Variants in CPVL observed in about 807,000 individuals in gnomAD.
The protein encoded by CPVL is carboxypeptidase vitellogenic like.
A neutral mutation model predicts 63.7 loss-of-function variants in CPVL; 51 were observed. That is an observed-to-expected ratio of 0.80 (90% CI 0.64 to 1.01). CPVL has a LOEUF of 1.01. Ranked by LOEUF, CPVL falls within the 50% of genes least tolerant of loss-of-function variation. CPVL has a pLI of 0.00. For synonymous variants in CPVL, 195 were observed against 206.0 expected, an observed-to-expected ratio of 0.95 and a Z score of 0.46; for missense variants, 530 against 573.1, an observed-to-expected ratio of 0.92 and a Z score of 0.77.
intron 12 of CPVL, among the ~76,000 whole-genome samples, chr7:29,002,847 G>T: frequency 1.1e-5 from 1 of 91,290 alleles, no homozygotes; most frequent in South Asian, 3.6e-4. Flanking sequence ...GAAGCATGGA[G>T]AATAAAGGTA....
chr7:29,064,176 G>A lies in CPVL; in HGVS notation c.1022C>T (p.Ala341Val). Residue 341 changes from alanine (A) to valine (V), a missense_variant, in exon 11 of 13, where the codon GCC becomes GTC. Physicochemically the swap from Ala to Val is moderately conservative, Grantham distance 64 (BLOSUM62 0). Transcript: ENST00000265394. ...KFLSLPEVRQ[A>V]IHVGNQTFND... ...AAAAGTCTGATTCCCCACGTGGATG[G>A]CTTGTCTCACCTCTGGGAGTGACAA... is the stretch of plus-strand genomic sequence containing the variant. The A allele has an allele frequency of 6.2e-7, 1 of 1,612,864 alleles. No individual in the cohort carries two copies. Among genetic ancestry groups the A allele is most frequent in the East Asian group, 2.2e-5 (1 of 44,864 alleles).
rs188299977 is a variant in CPVL at position 29,076,390 on chromosome 7, G to A, written c.610-3967C>T. ...TTAACACTAACCTAACATGGGATCA[G>A]ACCCTGGTCTCATAAAAGCTCAGAG... On this transcript the variant is annotated intron_variant, in intron 7 of 12. Coordinates refer to ENST00000265394, the MANE Select transcript of CPVL (RefSeq NM_031311.5). 2.2e-3 allele frequency among the ~76,000 whole-genome samples: 331 copies of A among 152,190 alleles called. 2 individuals are homozygous for A. The highest frequency in any genetic ancestry group is 2.9e-3 in the Non-Finnish European group (194 of 68,020).
chr7:29,002,570 A>T (rs1784747895), intron 12 of CPVL, among the ~76,000 whole-genome samples: 1 of 152,200 alleles, frequency 6.6e-6, no homozygotes. Flanking sequence ...GATAACAGAG[A>T]CCACAAATGA....
At chr7:29,129,850 A>G (rs977963651) in intron 1 of CPVL, among the ~76,000 whole-genome samples, 7 of 152,192 alleles carry the variant, frequency 4.6e-5, no homozygotes, top group African/African-American at 1.7e-4. Flanking sequence ...TTCATCCAAT[A>G]TAACTCGTGT....
intron 3 of CPVL, among the ~76,000 whole-genome samples, chr7:29,108,859 T>C (rs1054665515): frequency 6.6e-6 from 1 of 152,230 alleles, no homozygotes; most frequent in African/African-American, 2.4e-5. Context: ...GAAGAGACTG[T>C]AGTCTTGGCC....
chr7:29,031,645 A>G (rs1156468915), intron 11 of CPVL, among the ~76,000 whole-genome samples: 3 of 152,188 alleles, frequency 2.0e-5, no homozygotes, highest in Admixed American at 6.5e-5. Flanking sequence ...TGTAGAATAT[A>G]TTCTAGGAAA....
intron 5 of CPVL, among the ~76,000 whole-genome samples, chr7:29,179,701 C>T (rs1199166521): frequency 1.3e-5 from 2 of 152,112 alleles, no homozygotes; most frequent in Non-Finnish European, 2.9e-5. Context: ...TTTTTTATTT[C>T]TCAAATTACA....
At chr7:29,090,925 A>G (rs1263115991) in intron 6 of CPVL, among the ~76,000 whole-genome samples, 2 of 152,146 alleles carry the variant, frequency 1.3e-5, no homozygotes, top group African/African-American at 4.8e-5. Context: ...TGAAAGCTCC[A>G]CTCTTTAAAC....
At chr7:29,081,749 T>G (rs576280902) in intron 7 of CPVL, among the ~76,000 whole-genome samples, 24 of 152,320 alleles carry the variant, frequency 1.6e-4, no homozygotes, top group Middle Eastern at 3.4e-3. Flanking sequence ...TAGCCCAGCT[T>G]TTCAGCATGA....
At chr7:29,123,190 C>A (rs1010300798) in intron 1 of CPVL, among the ~76,000 whole-genome samples, 2 of 152,100 alleles carry the variant, frequency 1.3e-5, no homozygotes, top group Non-Finnish European at 2.9e-5. Context: ...CTTATTACAA[C>A]CCAATTTGGC....
At chr7:29,069,906 T>G (rs950317813) in intron 9 of CPVL, among the ~76,000 whole-genome samples, 1 of 151,860 alleles carries the variant, frequency 6.6e-6, no homozygotes, top group Non-Finnish European at 1.5e-5. Context: ...TTTGATTAAT[T>G]AAATCATTTT....
chr7:29,057,247 G>T (rs576117897), intron 11 of CPVL, among the ~76,000 whole-genome samples: 3 of 152,170 alleles, frequency 2.0e-5, no homozygotes, highest in South Asian at 4.2e-4. Context: ...TGAGCCACTG[G>T]CAACCAGCCA....
chr7:29,057,346 T>A (rs902041702), intron 11 of CPVL, among the ~76,000 whole-genome samples: 12 of 152,294 alleles, frequency 7.9e-5, no homozygotes, highest in African/African-American at 2.4e-4. Flanking sequence ...GGGTTGTTCA[T>A]TTTCTTATTG....
intron 7 of CPVL, among the ~76,000 whole-genome samples, chr7:29,079,906 C>T (rs1244178326): frequency 6.6e-6 from 1 of 152,172 alleles, no homozygotes; most frequent in Admixed American, 6.5e-5. Context: ...CAGATCCTTT[C>T]TATGGAACAA....
intron 11 of CPVL, among the ~76,000 whole-genome samples, chr7:29,038,776 A>G (rs1400479557): frequency 3.3e-5 from 5 of 152,168 alleles, no homozygotes; most frequent in Non-Finnish European, 5.9e-5. Flanking sequence ...ATCCAACACT[A>G]TCCATTTATT....
chr7:29,163,801 C>A, intron 5 of CPVL, among the ~76,000 whole-genome samples: 1 of 152,180 alleles, frequency 6.6e-6, no homozygotes, highest in East Asian at 1.9e-4. Flanking sequence ...TAATTGGTAT[C>A]TTTCACTTTG....
At chr7:29,173,634 GA>G (rs1796893145) in intron 5 of CPVL, among the ~76,000 whole-genome samples, 1 of 152,096 alleles carries the variant, frequency 6.6e-6, no homozygotes, top group Non-Finnish European at 1.5e-5. Flanking sequence ...TGGGAGGAAG[GA>G]GGGGGTTGTT....
At chr7:29,123,707 GT>G (rs201863981) in intron 1 of CPVL, among the ~76,000 whole-genome samples, 7,325 of 31,132 alleles carry the variant, frequency 0.24, 293 homozygotes, top group South Asian at 0.35. Flanking sequence ...AGAGGTTTTT[GT>G]TTTTTTTTTT....
chr7:29,088,525 A>G (rs764867383), intron 6 of CPVL, among the ~76,000 whole-genome samples: 1 of 152,204 alleles, frequency 6.6e-6, no homozygotes, highest in Non-Finnish European at 1.5e-5. Flanking sequence ...AGAGTGAAGA[A>G]TGAAAAAAGT....
Sources: allele counts gnomAD v4.1 joint callset (sites outside exome capture counted in the v4.1 genomes callset), GRCh38; gene constraint gnomAD v4.1.1; transcripts MANE v1.5; gene names NCBI Gene and HGNC (gene_info 2026-07-23, HGNC 2026-07-21).